SVIL: variants seen among roughly 807,000 people sequenced by gnomAD.
The protein encoded by SVIL is supervillin, also known as archvillin.
In SVIL, 101 loss-of-function variants were observed where a neutral mutation model predicts 240.4. The observed-to-expected ratio is 0.42, with a 90% confidence interval of 0.36 to 0.50. The LOEUF is 0.50. Ranked by LOEUF, SVIL falls within the 20% of genes least tolerant of loss-of-function variation. The pLI is 0.01. For synonymous variants in SVIL, 999 were observed against 1,100.0 expected (o/e 0.91, Z 1.82); for missense variants, 2,512 against 2,818.7 (o/e 0.89, Z 2.46).
chr10:29,474,693 AC>A (rs1945997870), intron 29 of SVIL, among the ~76,000 whole-genome samples: 1 of 152,184 alleles, frequency 6.6e-6, no homozygotes, highest in Non-Finnish European at 1.5e-5. Context: ...ACAGACACAA[AC>A]TCATTTTCCA....
chr10:29,731,878 C>G (rs1204329795), intron 1 of SVIL, among the ~76,000 whole-genome samples: 1 of 152,180 alleles, frequency 6.6e-6, no homozygotes, highest in Non-Finnish European at 1.5e-5. Context: ...CTCCCATATG[C>G]GAAGAAGTTG....
intron 1 of SVIL, among the ~76,000 whole-genome samples, chr10:29,585,629 C>T (rs1956133160): frequency 6.6e-6 from 1 of 152,124 alleles, no homozygotes; most frequent in South Asian, 2.1e-4. Context: ...CCAGCAGCAT[C>T]TCAGATGTCA....
At chr10:29,593,013 T>G (rs1358352818) in intron 1 of SVIL, among the ~76,000 whole-genome samples, 1 of 152,214 alleles carries the variant, frequency 6.6e-6, no homozygotes, top group East Asian at 1.9e-4. Context: ...GGACTTTGGA[T>G]ATTCAAGGTC....
chr10:29,554,673 C>G, intron 5 of SVIL, 110 bp downstream of exon 5: 1 of 1,305,974 alleles, frequency 7.7e-7, no homozygotes, highest in Non-Finnish European at 9.9e-7. Context: ...TATATCCACA[C>G]AATTCACTTC....
intron 1 of SVIL, among the ~76,000 whole-genome samples, chr10:29,606,692 T>C (rs1436347411): frequency 2.0e-5 from 3 of 152,232 alleles, no homozygotes; most frequent in Non-Finnish European, 4.4e-5. Context: ...AAATGTATTT[T>C]TACGGTTGGT....
intron 1 of SVIL, among the ~76,000 whole-genome samples, chr10:29,588,318 TG>T (rs1360791664): frequency 4.0e-5 from 6 of 148,718 alleles, no homozygotes; most frequent in South Asian, 2.1e-4. Context: ...AAACGTGTGC[TG>T]GTGGCAGAGA....
chr10:29,696,342 T>G (rs1481145168), intron 1 of SVIL, among the ~76,000 whole-genome samples: 1 of 152,068 alleles, frequency 6.6e-6, no homozygotes, highest in Non-Finnish European at 1.5e-5. Context: ...CCCCCCAAAG[T>G]GCGGAGATTG....
At chr10:29,628,582 G>C (rs1303656735) in intron 1 of SVIL, among the ~76,000 whole-genome samples, 3 of 152,158 alleles carry the variant, frequency 2.0e-5, no homozygotes, top group Non-Finnish European at 4.4e-5. Context: ...ACAAATCGTA[G>C]GTGCATTATT....
intron 11 of SVIL, among the ~76,000 whole-genome samples, 166 bp from the exon 12 acceptor site, chr10:29,530,010 C>CA (rs1402649521): frequency 2.6e-5 from 4 of 151,920 alleles, no homozygotes; most frequent in Non-Finnish European, 5.9e-5. Flanking sequence ...CTCATCTCTA[C>CA]AAAAAATGCA....
intron 2 of SVIL, among the ~76,000 whole-genome samples, chr10:29,673,444 C>T (rs1386423048): frequency 6.6e-6 from 1 of 151,704 alleles, no homozygotes; most frequent in Non-Finnish European, 1.5e-5. Flanking sequence ...TAAAGAACTA[C>T]CTGAGACTGA....
chr10:29,657,632 G>A lies in SVIL; in HGVS notation c.-201+337C>T, dbSNP rs187863963. ...AGGTCCTATCTAATTCACACTCCCC[G>A]AAAGCTCCCTAATAGCCACGGCTCA... On this transcript the variant is annotated intron_variant, in intron 3 of 35. Coordinates refer to the SVIL transcript ENST00000375400. 3.1e-3 allele frequency among the ~76,000 whole-genome samples: 476 copies of A among 152,154 alleles called. 2 individuals carry two copies. The highest frequency in any genetic ancestry group is 0.011 in the South Asian group (55 of 4,816).
chr10:29,471,458 A>G (rs1298782497), intron 30 of SVIL, among the ~76,000 whole-genome samples: 1 of 152,166 alleles, frequency 6.6e-6, no homozygotes, highest in Non-Finnish European at 1.5e-5. Context: ...TCCTAAACAA[A>G]ATAGGAGCCT....
At chr10:29,479,978 G>A (rs111912452) in intron 29 of SVIL, among the ~76,000 whole-genome samples, 2,721 of 152,200 alleles carry the variant, frequency 0.018, 79 homozygotes, top group African/African-American at 0.061. Context: ...AATGGGGTCC[G>A]TCACCATCAG....
intron 3 of SVIL, among the ~76,000 whole-genome samples, chr10:29,652,871 T>G (rs1313391468): frequency 6.6e-6 from 1 of 152,202 alleles, no homozygotes; most frequent in Non-Finnish European, 1.5e-5. Context: ...TCCTTTGCCC[T>G]TTTTTAATCA....
At chr10:29,650,650 A>T (rs1958805977) in intron 3 of SVIL, among the ~76,000 whole-genome samples, 1 of 151,912 alleles carries the variant, frequency 6.6e-6, no homozygotes, top group Admixed American at 6.6e-5. Context: ...CTTTCACTAC[A>T]AAAAAAAGCC....
intron 30 of SVIL, among the ~76,000 whole-genome samples, chr10:29,473,377 G>A (rs112519278): frequency 6.6e-6 from 1 of 152,126 alleles, no homozygotes; most frequent in Admixed American, 6.5e-5. Context: ...TAAGGTTCTC[G>A]TGACAAAATT....
chr10:29,500,936 A>C (rs538764588), intron 17 of SVIL, among the ~76,000 whole-genome samples: 1 of 152,114 alleles, frequency 6.6e-6, no homozygotes, highest in African/African-American at 2.4e-5. Flanking sequence ...CCCTGGAATG[A>C]TGGGAGTTGA....
chr10:29,721,237 AAAAC>A (rs770518822), intron 1 of SVIL, among the ~76,000 whole-genome samples: 6 of 149,740 alleles, frequency 4.0e-5, no homozygotes, highest in East Asian at 2.0e-4. Context: ...AATCATTACA[AAAAC>A]AAACAAACAA....
In SVIL at chr10:29,700,373, A is replaced by G. The variant is rs138334416; in HGVS notation, c.-399-13722T>C. ...TTTACAAAATCTTTCCACCCACTAC[A>G]GCCTGAAAATGTCACACAGGAAAAA... On this transcript the variant is annotated intron_variant, in intron 1 of 35. Coordinates refer to the SVIL transcript ENST00000375400. 4.8e-3 allele frequency among the ~76,000 whole-genome samples: 734 copies of G among 151,992 alleles called. 7 individuals are homozygous for G. The highest frequency in any genetic ancestry group is 0.013 in the African/African-American group (557 of 41,448).
Sources: allele counts gnomAD v4.1 joint callset (sites outside exome capture counted in the v4.1 genomes callset), GRCh38; gene constraint gnomAD v4.1.1; transcripts MANE v1.5; gene names NCBI Gene and HGNC (gene_info 2026-07-23, HGNC 2026-07-21).